Variants in RNF212B observed in about 807,000 individuals in gnomAD.
RNF212B encodes ring finger protein 212B, also known as E3 ubiquitin-protein ligase RNF212B.
In RNF212B, 52 loss-of-function variants were observed where a neutral mutation model predicts 55.5. The observed-to-expected ratio is 0.94, with a 90% confidence interval of 0.75 to 1.18. The LOEUF (loss-of-function observed/expected upper bound fraction) is 1.18. RNF212B is among the 50% of genes most tolerant of loss of function. RNF212B has a pLI of 0.00. For synonymous variants in RNF212B, 99 were observed against 121.4 expected (o/e 0.82, Z 1.21); for missense variants, 289 against 350.4 (o/e 0.82, Z 1.40).
chr14:23,238,319 G>T (rs1399074094), intron 1 of RNF212B, among the ~76,000 whole-genome samples: 2 of 152,070 alleles, frequency 1.3e-5, no homozygotes. Flanking sequence ...GAACAAATAG[G>T]ACAACGAAGC....
rs528008095 is a variant in RNF212B at position 23,206,369 on chromosome 14, G to A, written c.-2+12968G>A. 3.3e-5 allele frequency among the ~76,000 whole-genome samples: 5 copies of A among 152,244 alleles called. No individual in the cohort carries two copies. In the South Asian group the frequency reaches 6.2e-4, roughly 19 times the overall value. On this transcript the variant is annotated intron_variant, in intron 2 of 15. Transcript: ENST00000399910. ...ATTACAGGCGTGAGCCACCGTGCCCGGCCTAGTCTTTTCTTTTTCAGTATC... is the reference window on the plus strand; with the variant it reads ...ATTACAGGCGTGAGCCACCGTGCCCAGCCTAGTCTTTTCTTTTTCAGTATC...
At chr14:23,232,085 C>T (rs1436836191) in intron 2 of RNF212B, among the ~76,000 whole-genome samples, 2 of 152,226 alleles carry the variant, frequency 1.3e-5, no homozygotes, top group East Asian at 1.9e-4. Context: ...ATGTGAGGAG[C>T]GTCTCTGCCT....
chr14:23,231,989 G>A (rs1315830351), intron 2 of RNF212B, among the ~76,000 whole-genome samples: 3 of 152,340 alleles, frequency 2.0e-5, no homozygotes, highest in East Asian at 1.9e-4. Context: ...ATCTTGGCTA[G>A]CTACAGCCTC....
At chr14:23,213,445 A>C (rs1471208830) in intron 2 of RNF212B, among the ~76,000 whole-genome samples, 1 of 152,224 alleles carries the variant, frequency 6.6e-6, no homozygotes, top group Non-Finnish European at 1.5e-5. Flanking sequence ...TTTGATCTAT[A>C]GATTCAATGC....
At chr14:23,242,108 G>GAAAAGAAAAAGAAAAAGA (rs58810022) in intron 2 of RNF212B, among the ~76,000 whole-genome samples, 17 of 111,780 alleles carry the variant, frequency 1.5e-4, no homozygotes, top group East Asian at 1.1e-3. Context: ...AAAAAAAAAA[G>GAAAAGAAAAAGAAAAAGA]AAAAGAAAAA....
At position 23,272,454 on chromosome 14, in the gene RNF212B, G is replaced by A. The variant is rs1032332333; in HGVS notation, c.835-369G>A. The A allele has an allele frequency of 2.0e-5, 5 of 255,516 alleles. No individual in the cohort carries two copies. The East Asian group carries it at 5.8e-4, about 30-fold the overall frequency. 15.8% of individuals were successfully genotyped at this position (255,516 alleles called of 1,614,324 possible). On this transcript the variant is annotated intron_variant, in intron 14 of 14. Transcript: ENST00000430154. ...CAAACAAACAAACAAACAAACAACC[G>A]AAAATGTGAAAAAATTTTAAAGTTA... is the stretch of plus-strand genomic sequence containing the variant.
chr14:23,236,134 G>A (rs766517515), upstream of RNF212B, among the ~76,000 whole-genome samples: 6 of 152,122 alleles, frequency 3.9e-5, no homozygotes, highest in African/African-American at 7.2e-5. Flanking sequence ...AAGCTACATA[G>A]CAAGAGATTA....
chr14:23,211,319 G>T (rs1282751251), intron 2 of RNF212B, among the ~76,000 whole-genome samples: 1 of 151,912 alleles, frequency 6.6e-6, no homozygotes, highest in Non-Finnish European at 1.5e-5. Flanking sequence ...AAGATGAATA[G>T]ATAACCTAAA....
At chr14:23,254,058 G>A (rs375637447) in intron 4 of RNF212B, among the ~76,000 whole-genome samples, 2 of 151,918 alleles carry the variant, frequency 1.3e-5, no homozygotes, top group East Asian at 1.9e-4. Context: ...GTGGGAGAAC[G>A]GCTAGATCCC....
upstream of RNF212B, among the ~76,000 whole-genome samples, chr14:23,233,741 C>CAAAA (rs761783082): frequency 1.3e-4 from 10 of 77,580 alleles, no homozygotes; most frequent in African/African-American, 4.4e-4. Flanking sequence ...GACCCTGTCT[C>CAAAA]AAAAAAAAAA....
intron 2 of RNF212B, among the ~76,000 whole-genome samples, chr14:23,242,099 A>AG (rs1883630990): frequency 1.6e-5 from 2 of 126,518 alleles, no homozygotes; most frequent in South Asian, 5.0e-4. Flanking sequence ...AAAAAAAAAA[A>AG]AAAAAAAAGA....
In RNF212B at chr14:23,262,689, C is replaced by T. The variant is rs1407731124; in HGVS notation, c.459C>T (p.Gly153=). The change falls in exon 8 of 15, where the codon GGC becomes GGT. Residue 153 remains glycine, a synonymous_variant. Coordinates refer to ENST00000430154, the MANE Select transcript of RNF212B (RefSeq NM_001282322.3). ...GGTCAATCACACCTCGACCAGTGGG[C>T]ATTACTTCCCCATCACAGTCAGGTG... The part of the protein sequence containing the change: ...GSRSITPRPV[G]ITSPSQSVTP... The T allele has an allele frequency of 1.9e-6, 3 of 1,550,280 alleles. No homozygotes were observed. The highest frequency in any genetic ancestry group is 4.9e-5 in the East Asian group (2 of 40,922).
At chr14:23,195,281 C>A (rs538016739) in intron 2 of RNF212B, among the ~76,000 whole-genome samples, 1 of 151,582 alleles carries the variant, frequency 6.6e-6, no homozygotes, top group Admixed American at 6.6e-5. Context: ...AAAAAAAACC[C>A]ATGAGATGCA....
At chr14:23,266,410 T>G (rs1885700378) in intron 11 of RNF212B, among the ~76,000 whole-genome samples, 1 of 123,718 alleles carries the variant, frequency 8.1e-6, no homozygotes, top group East Asian at 2.4e-4. Flanking sequence ...AAATGTTTTT[T>G]TTTTTTTTTT....
intron 4 of RNF212B, among the ~76,000 whole-genome samples, chr14:23,253,272 C>G (rs1197097989): frequency 6.6e-6 from 1 of 151,918 alleles, no homozygotes; most frequent in Non-Finnish European, 1.5e-5. Flanking sequence ...TTAAAATGTT[C>G]CCACATTTTG....
intron 1 of RNF212B, among the ~76,000 whole-genome samples, chr14:23,238,768 A>ATCATCATCATC (rs1555316052): frequency 6.0e-5 from 7 of 117,466 alleles, no homozygotes; most frequent in Middle Eastern, 4.8e-3. Flanking sequence ...TAATAATAAT[A>ATCATCATCATC]ATAATAATAA....
rs59923716 is a variant in RNF212B, at chr14:23,216,879, CAAAAAAAAAAAAAA to C, written c.-1-23454_-1-23441del. ...TGGGTGACTGAATGTGACCCTGTCT[CAAAAAAAAAAAAAA>C]AAAAAAAAAAAGACCAATCTCAAAG... On this transcript the variant is annotated intron_variant, in intron 2 of 15. Transcript: ENST00000399910. Among the ~76,000 whole-genome samples, 14 of 48,774 alleles carry C rather than the reference CAAAAAAAAAAAAAA, an allele frequency of 2.9e-4. No individual in the cohort carries two copies. In the South Asian group the frequency reaches 0.013, roughly 45 times the overall value. 32.0% of individuals were successfully genotyped at this position (48,774 alleles called of 152,430 possible). A position where few individuals can be genotyped will look rare whatever the true frequency, so the allele number is the denominator to read the frequency against.
At chr14:23,225,914 C>G (rs1042936816) in intron 2 of RNF212B, among the ~76,000 whole-genome samples, 2 of 152,172 alleles carry the variant, frequency 1.3e-5, no homozygotes, top group Non-Finnish European at 2.9e-5. Flanking sequence ...GAATATTACT[C>G]ATTGCACTAT....
chr14:23,195,655 C>A (rs750323292), intron 2 of RNF212B, among the ~76,000 whole-genome samples: 2 of 152,154 alleles, frequency 1.3e-5, no homozygotes, highest in African/African-American at 2.4e-5. Flanking sequence ...TGTGCTCTCC[C>A]GACAGCACAT....
Sources: gnomAD v4.1 joint callset for allele counts (sites outside exome capture counted in the v4.1 genomes callset) on GRCh38, gnomAD v4.1.1 for gene constraint, MANE v1.5 for transcripts, NCBI Gene and HGNC (gene_info 2026-07-23, HGNC 2026-07-21) for gene names.